STK32B: variants seen among roughly 807,000 people sequenced by gnomAD.
STK32B encodes the protein serine/threonine kinase 32B.
STK32B carries 43 observed loss-of-function variants against 52.6 expected under a neutral mutation model. That is an observed-to-expected ratio of 0.82 (90% CI 0.64 to 1.05). The LOEUF (loss-of-function observed/expected upper bound fraction) is 1.05, where lower values mean the gene tolerates loss of function less well. Among genes scored for constraint, STK32B ranks in the 50% least tolerant of loss-of-function variants. The probability of loss-of-function intolerance (pLI) is 0.00; values close to 1 mark genes in which losing one functional copy is unlikely to be tolerated. For missense variants in STK32B, 621 were observed against 534.6 expected (o/e 1.16, Z -1.59); for synonymous variants, 238 against 204.3 (o/e 1.17, Z -1.41).
At chr4:5,186,157 C>A (rs1176582072) in intron 3 of STK32B, among the ~76,000 whole-genome samples, 1 of 152,182 alleles carries the variant, frequency 6.6e-6, no homozygotes, top group Non-Finnish European at 1.5e-5. Context: ...GGCTCCTGTC[C>A]TCTTGGAGTT....
intron 1 of STK32B, among the ~76,000 whole-genome samples, chr4:5,060,536 G>A (rs917241580): frequency 6.6e-6 from 1 of 151,632 alleles, no homozygotes; most frequent in Non-Finnish European, 1.5e-5. Context: ...ACACTTTTTG[G>A]TTTAATTTAC....
chr4:5,482,613 C>G (rs1718810983), intron 11 of STK32B, among the ~76,000 whole-genome samples: 3 of 152,176 alleles, frequency 2.0e-5, no homozygotes, highest in Admixed American at 1.3e-4. Context: ...GCCAGAACTT[C>G]CAACACTATA....
intron 4 of STK32B, among the ~76,000 whole-genome samples, chr4:5,384,413 TG>T (rs1271362194): frequency 6.6e-6 from 1 of 150,894 alleles, no homozygotes; most frequent in African/African-American, 2.4e-5. Flanking sequence ...TAAAAGGTGC[TG>T]GAGGTTTGAA....
chr4:5,051,458 T>C (rs73794741), upstream of STK32B: 1,873 of 227,144 alleles, frequency 8.2e-3, 39 homozygotes, highest in African/African-American at 0.039. Context: ...GCTGCCTTCG[T>C]CCGTCCCCTC....
chr4:5,043,772 G>C, the STK32B span, among the ~76,000 whole-genome samples: 1 of 152,230 alleles, frequency 6.6e-6, no homozygotes, highest in Non-Finnish European at 1.5e-5. Flanking sequence ...CTGTTGGCTG[G>C]AACTTAGTCC....
intron 3 of STK32B, among the ~76,000 whole-genome samples, chr4:5,243,741 G>A (rs1725222420): frequency 1.3e-5 from 2 of 152,050 alleles, no homozygotes; most frequent in Admixed American, 6.6e-5. Flanking sequence ...TTATTATTTT[G>A]AGATATGTCC....
At chr4:5,290,089 A>T (rs947555346) in intron 3 of STK32B, among the ~76,000 whole-genome samples, 5 of 152,002 alleles carry the variant, frequency 3.3e-5, no homozygotes, top group African/African-American at 7.2e-5. Flanking sequence ...TTTAGCTCCC[A>T]CTTACAAGTG....
chr4:5,383,688 G>T (rs1337929861), intron 4 of STK32B, among the ~76,000 whole-genome samples: 1 of 152,158 alleles, frequency 6.6e-6, no homozygotes. Flanking sequence ...GAAACCACTA[G>T]GCAGTGGACT....
the STK32B span, among the ~76,000 whole-genome samples, chr4:5,034,615 C>T: frequency 6.6e-6 from 1 of 152,228 alleles, no homozygotes; most frequent in African/African-American, 2.4e-5. Context: ...TTGATCTTAA[C>T]ACTTAAAAAC....
At chr4:5,084,971 G>A (rs536374370) in intron 1 of STK32B, among the ~76,000 whole-genome samples, 1 of 152,254 alleles carries the variant, frequency 6.6e-6, no homozygotes, top group South Asian at 2.1e-4. Flanking sequence ...GACAGTAAAA[G>A]TGTCGAGAAA....
intron 6 of STK32B, among the ~76,000 whole-genome samples, chr4:5,445,380 C>T (rs528239824): frequency 5.9e-5 from 9 of 152,290 alleles, no homozygotes; most frequent in East Asian, 1.9e-4. Context: ...GGGCAGATTT[C>T]GGCTGCTCTG....
rs1352661900 is a variant in STK32B at position 5,399,700 on chromosome 4, C to T, written c.472+1456C>T. 6.6e-6 allele frequency among the ~76,000 whole-genome samples: 1 copy of T among 152,198 alleles called. No homozygotes were observed. The highest frequency in any genetic ancestry group is 1.9e-4 in the East Asian group (1 of 5,186). On this transcript the variant is annotated intron_variant, in intron 5 of 11. Coordinates refer to ENST00000282908, the MANE Select transcript of STK32B (RefSeq NM_018401.3). The surrounding 1 kb of genome is among the most constrained non-coding windows in gnomAD (Gnocchi z 5.4). ...AATGTCCTTGGGCCAGTGGCTGTAC[C>T]TCCGTGTCTCAGCCTTCCCAGCAGC...
intron 1 of STK32B, among the ~76,000 whole-genome samples, chr4:5,075,090 T>C (rs1472081026): frequency 6.6e-6 from 1 of 152,166 alleles, no homozygotes; most frequent in African/African-American, 2.4e-5. Flanking sequence ...CAGGGGAGCT[T>C]GTATGCACAT....
At position 5,113,113 on chromosome 4, in the gene STK32B, C is replaced by T. The variant is rs1000441701; in HGVS notation, c.53-26792C>T. ...AATTCTTACATTGAAACCTAATCCC[C>T]AATGTGATGGTGTTAGGAGGTGGGG... On this transcript the variant is annotated intron_variant, in intron 1 of 11. Coordinates refer to ENST00000282908, the MANE Select transcript of STK32B (RefSeq NM_018401.3). Among the ~76,000 whole-genome samples the T allele has an allele frequency of 7.2e-5, 11 of 152,092 alleles. 1 individual carries two copies. Among genetic ancestry groups the T allele is most frequent in the African/African-American group, 2.7e-4 (11 of 41,368 alleles).
chr4:5,078,992 T>C lies in STK32B; in HGVS notation c.52+27077T>C, dbSNP rs138675214. Among the ~76,000 whole-genome samples, 91 of 152,348 alleles carry C rather than the reference T, an allele frequency of 6.0e-4. No individual in the cohort carries two copies. In the East Asian group the frequency reaches 0.015, roughly 25 times the overall value. The stretch of plus-strand genomic sequence containing the variant: ...TTTATATAAAATGAAAGTAAAAATG[T>C]TGAAAACGCTGCAGTTAGAAGAAAA... On this transcript the variant is annotated intron_variant, in intron 1 of 11. Transcript: ENST00000282908.
At chr4:5,304,223 T>C (rs1452463429) in intron 3 of STK32B, among the ~76,000 whole-genome samples, 1 of 152,062 alleles carries the variant, frequency 6.6e-6, no homozygotes, top group African/African-American at 2.4e-5. Flanking sequence ...AAAACGATGG[T>C]GATATATTGA....
At chr4:5,486,303 A>T (rs1719196063) in intron 11 of STK32B, among the ~76,000 whole-genome samples, 1 of 152,054 alleles carries the variant, frequency 6.6e-6, no homozygotes, top group African/African-American at 2.4e-5. Context: ...CCCCACCCCC[A>T]ACCTCGCTGC....
chr4:5,049,467 G>A (rs1741676431), upstream of STK32B, among the ~76,000 whole-genome samples: 1 of 152,200 alleles, frequency 6.6e-6, no homozygotes, highest in Non-Finnish European at 1.5e-5. Context: ...AGCGAAGAGA[G>A]ATATGGGTGG....
At chr4:5,293,240 T>G (rs930942069) in intron 3 of STK32B, among the ~76,000 whole-genome samples, 5 of 152,010 alleles carry the variant, frequency 3.3e-5, no homozygotes, top group Admixed American at 2.6e-4. Context: ...TAAATAGTGC[T>G]GCAAAAAACA....
Sources: gnomAD v4.1 joint callset for allele counts (sites outside exome capture counted in the v4.1 genomes callset) on GRCh38, gnomAD v4.1.1 for gene constraint, Gnocchi (gnomAD v3.1) non-coding constraint, MANE v1.5 for transcripts, NCBI Gene and HGNC (gene_info 2026-07-23, HGNC 2026-07-21) for gene names.